PHTF2: variants seen among roughly 807,000 people sequenced by gnomAD.
PHTF2 encodes the protein protein PHTF2.
Under a neutral mutation model 101.2 loss-of-function variants are expected in PHTF2, and 60 were observed. The observed-to-expected ratio is 0.59, with a 90% CI of 0.48 to 0.73. The LOEUF (loss-of-function observed/expected upper bound fraction) is 0.73, where lower values mean the gene tolerates loss of function less well. Among genes scored for constraint, PHTF2 ranks in the 30% least tolerant of loss-of-function variants. The pLI is 0.00. For synonymous variants in PHTF2, 311 were observed against 307.3 expected, an observed-to-expected ratio of 1.01 and a Z score of -0.13; for missense variants, 747 against 908.7, an observed-to-expected ratio of 0.82 and a Z score of 2.29.
At chr7:77,909,013 A>T (rs2150862580) in intron 8 of PHTF2, 55 bp downstream of exon 7, 1 of 1,262,874 alleles carries the variant, frequency 7.9e-7, no homozygotes, top group East Asian at 2.5e-5. Context: ...TGAATCTACG[A>T]TTGTTCTTGA....
intron 3 of PHTF2, among the ~76,000 whole-genome samples, chr7:77,888,964 T>A (rs1259618796): frequency 2.0e-5 from 3 of 152,160 alleles, no homozygotes; most frequent in Non-Finnish European, 4.4e-5. Flanking sequence ...TTAATGGAAA[T>A]ATCTGTTAGG....
At chr7:77,806,753 TTGAG>T (rs749482779) in intron 1 of PHTF2, among the ~76,000 whole-genome samples, 5 of 152,188 alleles carry the variant, frequency 3.3e-5, no homozygotes, top group African/African-American at 7.2e-5. Flanking sequence ...TTTGGATTCT[TTGAG>T]TATTTTTATG....
chr7:77,858,565 A>T (rs1281556676), intron 3 of PHTF2, among the ~76,000 whole-genome samples: 1 of 151,302 alleles, frequency 6.6e-6, no homozygotes, highest in East Asian at 1.9e-4. Context: ...GATGTAACTC[A>T]TTTGTTTAAT....
chr7:77,932,841 G>A (rs1804734970), intron 12 of PHTF2, among the ~76,000 whole-genome samples: 1 of 152,144 alleles, frequency 6.6e-6, no homozygotes, highest in African/African-American at 2.4e-5. Flanking sequence ...ACTGTGCAAA[G>A]TAATCTAGTT....
rs905128698 is a variant in PHTF2 at position 77,893,650 on chromosome 7, C to G, written c.190C>G (p.Gln64Glu). ...ACAAATATGGGAAAAATCTGTTGAA[C>G]AGAGAGAAATCAAGGTAAGGAGTTT... The change falls in exon 4 of 20, where the codon CAG becomes GAG. Residue 64 changes from glutamine (Q) to glutamate (E), a missense_variant. Around this residue, in one of 6 missense-constraint regions of PHTF2, gnomAD observed 96 missense variants for 91.3 expected, o/e 1.05. Coordinates refer to ENST00000416283, the Ensembl canonical transcript of PHTF2. 1.1e-5 allele frequency: 16 copies of G among 1,395,358 alleles called. No individual in the cohort carries two copies. Among genetic ancestry groups the G allele is most frequent in the Non-Finnish European group, 1.6e-5 (16 of 995,188 alleles). 86.4% of individuals were successfully genotyped at this position (1,395,358 alleles called of 1,614,324 possible).
At chr7:77,833,117 C>T (rs1795194446) in intron 1 of PHTF2, among the ~76,000 whole-genome samples, 1 of 152,244 alleles carries the variant, frequency 6.6e-6, no homozygotes, top group South Asian at 2.1e-4. Context: ...AAAGGGAGTG[C>T]TACTCTAAGG....
chr7:77,889,166 A>G (rs1365463827), intron 3 of PHTF2, among the ~76,000 whole-genome samples: 4 of 152,196 alleles, frequency 2.6e-5, no homozygotes, highest in Non-Finnish European at 4.4e-5. Flanking sequence ...TTCTTGCCCT[A>G]TAATGATTGA....
At chr7:77,945,077 C>T (rs992581559) in intron 16 of PHTF2, among the ~76,000 whole-genome samples, 2 of 152,186 alleles carry the variant, frequency 1.3e-5, no homozygotes, top group East Asian at 1.9e-4. Context: ...TGGTGGCCCA[C>T]GCCTGTAATC....
At chr7:77,840,812 T>C (rs1795806897) in intron 2 of PHTF2, among the ~76,000 whole-genome samples, 1 of 152,108 alleles carries the variant, frequency 6.6e-6, no homozygotes, top group Non-Finnish European at 1.5e-5. Context: ...GAATAAGCTT[T>C]ACCAATGTAA....
chr7:77,885,108 A>G (rs574930308), intron 3 of PHTF2, among the ~76,000 whole-genome samples: 2 of 152,176 alleles, frequency 1.3e-5, no homozygotes, highest in South Asian at 2.1e-4. Context: ...TAAAGAGGTT[A>G]TCTCGAGATT....
intron 2 of PHTF2, among the ~76,000 whole-genome samples, chr7:77,847,095 G>A (rs1562869858): frequency 1.3e-5 from 2 of 152,152 alleles, no homozygotes; most frequent in Non-Finnish European, 1.5e-5. Context: ...ATTTCTTACT[G>A]TATGAGAGAA....
At chr7:77,817,140 C>T (rs935694863) in intron 1 of PHTF2, among the ~76,000 whole-genome samples, 5 of 152,182 alleles carry the variant, frequency 3.3e-5, no homozygotes, top group African/African-American at 1.2e-4. Context: ...TGAGGAATCT[C>T]CATGCTCTTC....
chr7:77,911,570 C>T, intron 9 of PHTF2, among the ~76,000 whole-genome samples: 1 of 152,174 alleles, frequency 6.6e-6, no homozygotes. Context: ...ACTATTCTGT[C>T]ACTTTGTTAA....
intron 1 of PHTF2, among the ~76,000 whole-genome samples, chr7:77,830,395 C>A (rs971172601): frequency 6.6e-6 from 1 of 152,190 alleles, no homozygotes; most frequent in Non-Finnish European, 1.5e-5. Context: ...TGGTAGGAAC[C>A]GTGGGCTGCA....
chr7:77,908,985 T>A (rs563308823), intron 8 of PHTF2, 27 bp downstream of exon 7: 6 of 1,481,020 alleles, frequency 4.1e-6, no homozygotes, highest in Non-Finnish European at 5.6e-6. Flanking sequence ...AGTAATCTTT[T>A]TGTACATTTA....
At chr7:77,815,072 C>T (rs1045336359) in intron 1 of PHTF2, among the ~76,000 whole-genome samples, 54 of 151,372 alleles carry the variant, frequency 3.6e-4, no homozygotes, top group Non-Finnish European at 8.8e-5. Flanking sequence ...TACACTCTGT[C>T]TCAAAAATAA....
At chr7:77,939,948 T>G in intron 13 of PHTF2, 82 bp from the exon 13 acceptor site, 1 of 1,002,542 alleles carries the variant, frequency 1.0e-6, no homozygotes, top group Non-Finnish European at 1.4e-6. Context: ...GATTTCATAT[T>G]GCTATAAATA....
intron 11 of PHTF2, chr7:77,923,866 G>T: frequency 3.1e-6 from 3 of 981,118 alleles, no homozygotes; most frequent in Non-Finnish European, 3.6e-6. Flanking sequence ...TATTTTAAAC[G>T]ATTGAGTTTC....
chr7:77,839,323 A>G (rs1174159629), intron 1 of PHTF2, among the ~76,000 whole-genome samples: 1 of 152,182 alleles, frequency 6.6e-6, no homozygotes, highest in Non-Finnish European at 1.5e-5. Context: ...AGTATTCTGG[A>G]GTTGATGGGA....
Sources: gnomAD v4.1 joint callset for allele counts (sites outside exome capture counted in the v4.1 genomes callset) on GRCh38, gnomAD v4.1.1 for gene constraint, gnomAD v4.1.1 regional missense constraint, MANE v1.5 for transcripts, NCBI Gene and HGNC (gene_info 2026-07-23, HGNC 2026-07-21) for gene names.